The following MACROD2 variants were observed in gnomAD, a reference collection of about 807,000 sequenced individuals.
MACROD2 encodes the protein ADP-ribose glycohydrolase MACROD2.
MACROD2 carries 36 observed loss-of-function variants against 70.4 expected under a neutral mutation model. The observed-to-expected ratio is 0.51, with a 90% confidence interval of 0.39 to 0.68. MACROD2 has a LOEUF of 0.68. Ranked by LOEUF, MACROD2 falls within the 30% of genes least tolerant of loss-of-function variation. The pLI is 0.00. For synonymous variants in MACROD2, 172 were observed against 178.8 expected (o/e 0.96, Z 0.30); for missense variants, 496 against 538.4 (o/e 0.92, Z 0.78).
At chr20:14,978,375 G>GCCCCCC (rs5840643) in intron 5 of MACROD2, among the ~76,000 whole-genome samples, 4 of 138,558 alleles carry the variant, frequency 2.9e-5, no homozygotes, top group Admixed American at 7.3e-5. Flanking sequence ...TCCGCGCCCC[G>GCCCCCC]CCCCCCCCAC....
intron 3 of MACROD2, among the ~76,000 whole-genome samples, chr20:14,107,528 A>G (rs1202155530): frequency 6.6e-6 from 1 of 152,148 alleles, no homozygotes; most frequent in Non-Finnish European, 1.5e-5. Context: ...AGAGAAAGAT[A>G]TCAATATTTC....
At chr20:14,646,855 C>T (rs1448395149) in intron 4 of MACROD2, among the ~76,000 whole-genome samples, 1 of 152,026 alleles carries the variant, frequency 6.6e-6, no homozygotes, top group East Asian at 1.9e-4. Context: ...TGTCGACTTC[C>T]TGTCTCTTAA....
At chr20:14,900,403 A>C (rs971884242) in intron 5 of MACROD2, among the ~76,000 whole-genome samples, 2 of 152,112 alleles carry the variant, frequency 1.3e-5, no homozygotes, top group African/African-American at 2.4e-5. Context: ...CAAAGTATTT[A>C]ATAGTAGAAT....
chr20:15,164,840 G>A (rs2076372571), intron 5 of MACROD2, among the ~76,000 whole-genome samples: 1 of 152,128 alleles, frequency 6.6e-6, no homozygotes, highest in Admixed American at 6.5e-5. Flanking sequence ...GTTAGGGGCT[G>A]CAGTGAACTG....
chr20:15,764,465 G>A (rs1168820806), intron 8 of MACROD2, among the ~76,000 whole-genome samples: 1 of 152,050 alleles, frequency 6.6e-6, no homozygotes, highest in Non-Finnish European at 1.5e-5. Context: ...CACCAAACCT[G>A]TTTTGCCCAG....
chr20:13,998,526 G>A (rs1182995342), intron 1 of MACROD2, among the ~76,000 whole-genome samples: 1 of 151,966 alleles, frequency 6.6e-6, no homozygotes, highest in African/African-American at 2.4e-5. Flanking sequence ...AGCTTTTTTA[G>A]CACTGCTTTG....
At chr20:14,312,492 A>T (rs930761399) in intron 3 of MACROD2, among the ~76,000 whole-genome samples, 1 of 152,204 alleles carries the variant, frequency 6.6e-6, no homozygotes, top group Non-Finnish European at 1.5e-5. Context: ...TTTGAGCACT[A>T]CCATGTACAA....
rs757745391 is a variant in MACROD2 at position 14,327,498 on chromosome 20, G to A, written c.272-165981G>A. On this transcript the variant is annotated intron_variant, in intron 3 of 17. Transcript: ENST00000684519. The stretch of plus-strand genomic sequence containing the variant: ...CGATGAGGAAGATGCTCCAGGCTGC[G>A]CTGATCATGGTCAGCAGTGTTGAGG... 4.3e-6 allele frequency: 7 copies of A among 1,611,434 alleles called. No individual in the cohort carries two copies. The highest frequency in any genetic ancestry group is 1.1e-5 in the South Asian group (1 of 90,788).
At chr20:15,410,609 T>A (rs1242456090) in intron 6 of MACROD2, among the ~76,000 whole-genome samples, 3 of 152,172 alleles carry the variant, frequency 2.0e-5, no homozygotes, top group African/African-American at 7.2e-5. Context: ...ACTGTCATAT[T>A]AAACTCTATG....
intron 8 of MACROD2, among the ~76,000 whole-genome samples, chr20:15,557,722 G>A (rs2048186433): frequency 6.6e-6 from 1 of 152,212 alleles, no homozygotes; most frequent in South Asian, 2.1e-4. Context: ...CTGAACTCAT[G>A]ATGGAACACA....
chr20:15,998,777 G>T (rs546081254), intron 15 of MACROD2, among the ~76,000 whole-genome samples: 1 of 151,760 alleles, frequency 6.6e-6, no homozygotes, highest in Admixed American at 6.6e-5. Context: ...TGTTAGCCAG[G>T]ATGGTCTCAA....
At chr20:14,612,112 G>T (rs1983208126) in intron 4 of MACROD2, among the ~76,000 whole-genome samples, 1 of 152,088 alleles carries the variant, frequency 6.6e-6, no homozygotes, top group Admixed American at 6.6e-5. Context: ...GTTGTTTATA[G>T]AGATTTTTAG....
intron 6 of MACROD2, among the ~76,000 whole-genome samples, chr20:15,400,581 G>A (rs1434654710): frequency 1.3e-5 from 2 of 152,148 alleles, no homozygotes; most frequent in East Asian, 3.9e-4. Context: ...AGCCAGGTAT[G>A]CAGGATTAGG....
chr20:15,641,791 G>A (rs1208885843), intron 8 of MACROD2, among the ~76,000 whole-genome samples: 1 of 152,164 alleles, frequency 6.6e-6, no homozygotes, highest in Non-Finnish European at 1.5e-5. Context: ...CTGCAAGGGA[G>A]ATTTTTCTTT....
intron 10 of MACROD2, among the ~76,000 whole-genome samples, chr20:15,916,027 G>T (rs1224046705): frequency 1.3e-5 from 2 of 152,184 alleles, no homozygotes; most frequent in African/African-American, 4.8e-5. Context: ...ATGCAGAAAA[G>T]AAAAGGACAA....
chr20:14,427,909 T>A (rs1156281938), intron 3 of MACROD2, among the ~76,000 whole-genome samples: 1 of 152,132 alleles, frequency 6.6e-6, no homozygotes, highest in African/African-American at 2.4e-5. Context: ...ATAATGGAAA[T>A]GATTGATGGT....
chr20:14,888,202 C>T (rs1244901703), intron 5 of MACROD2: 2 of 152,136 alleles, frequency 1.3e-5, no homozygotes, highest in African/African-American at 4.8e-5. Context: ...TTGTCAGCTG[C>T]GTTTTCTCAT....
At chr20:14,454,866 C>G (rs1465879057) in intron 3 of MACROD2, among the ~76,000 whole-genome samples, 1 of 151,710 alleles carries the variant, frequency 6.6e-6, no homozygotes, top group Non-Finnish European at 1.5e-5. Flanking sequence ...CATTCTCCTG[C>G]CTCAGCCTCC....
intron 10 of MACROD2, among the ~76,000 whole-genome samples, chr20:15,926,822 C>A (rs1214715177): frequency 1.3e-5 from 2 of 152,198 alleles, no homozygotes; most frequent in Non-Finnish European, 2.9e-5. Flanking sequence ...GACAGAGAAA[C>A]AACGAGGGTC....
Sources: allele counts gnomAD v4.1 joint callset (sites outside exome capture counted in the v4.1 genomes callset), GRCh38; gene constraint gnomAD v4.1.1; transcripts MANE v1.5; gene names NCBI Gene and HGNC (gene_info 2026-07-23, HGNC 2026-07-21).